ARHGEF28: variants seen among roughly 807,000 people sequenced by gnomAD.
ARHGEF28 encodes Rho guanine nucleotide exchange factor 28.
ARHGEF28 carries 152 observed loss-of-function variants against 206.6 expected under a neutral mutation model. That is an observed-to-expected ratio of 0.74 (90% CI 0.64 to 0.84). ARHGEF28 has a LOEUF of 0.84. ARHGEF28 is among the 40% of genes least tolerant of loss of function. The pLI is 0.00. For missense variants in ARHGEF28, 2,028 were observed against 2,073.2 expected (o/e 0.98, Z 0.42); for synonymous variants, 763 against 776.4 (o/e 0.98, Z 0.29).
chr5:73,668,362 A>G (rs1366004471), intron 1 of ARHGEF28, among the ~76,000 whole-genome samples: 2 of 152,208 alleles, frequency 1.3e-5, no homozygotes, highest in African/African-American at 4.8e-5. Context: ...CAAGATTGGG[A>G]GACCACATCT....
At chr5:73,927,071 G>T (rs1019942133) in intron 35 of ARHGEF28, among the ~76,000 whole-genome samples, 3 of 152,098 alleles carry the variant, frequency 2.0e-5, no homozygotes, top group African/African-American at 7.2e-5. Flanking sequence ...AAAGGCAGCT[G>T]CTTTCTTGGC....
At chr5:73,930,521 G>A (rs1463704946) in intron 35 of ARHGEF28, among the ~76,000 whole-genome samples, 3 of 152,122 alleles carry the variant, frequency 2.0e-5, no homozygotes, top group Non-Finnish European at 1.5e-5. Flanking sequence ...TGTACTTTGA[G>A]TGGTTTTCAG....
intron 9 of ARHGEF28, among the ~76,000 whole-genome samples, chr5:73,804,134 A>G (rs2112503475): frequency 2.0e-5 from 3 of 149,392 alleles, no homozygotes; most frequent in East Asian, 4.0e-4. Flanking sequence ...TGGTGTCCAG[A>G]GCTTGAGGAA....
chr5:73,931,155 C>T (rs1764094792), intron 35 of ARHGEF28, among the ~76,000 whole-genome samples: 1 of 152,184 alleles, frequency 6.6e-6, no homozygotes, highest in Admixed American at 6.5e-5. Context: ...AAACTATTTT[C>T]CTCCAGCCTG....
chr5:73,717,657 T>C (rs968159736), intron 2 of ARHGEF28, among the ~76,000 whole-genome samples: 3 of 152,168 alleles, frequency 2.0e-5, no homozygotes, highest in Admixed American at 2.0e-4. Flanking sequence ...AAGTGCCAAC[T>C]GCATGTCAGG....
At chr5:73,856,754 A>G (rs1447819191) in intron 14 of ARHGEF28, among the ~76,000 whole-genome samples, 1 of 152,192 alleles carries the variant, frequency 6.6e-6, no homozygotes, top group East Asian at 1.9e-4. Context: ...GTTAGTTATC[A>G]GTATGGAAAG....
chr5:73,938,202 C>T (rs1184800103), intron 35 of ARHGEF28, among the ~76,000 whole-genome samples: 1 of 49,058 alleles, frequency 2.0e-5, no homozygotes, highest in African/African-American at 5.4e-5. Flanking sequence ...ACACACACAA[C>T]TCCCCATCCC....
At chr5:73,712,764 A>G (rs920808859) in intron 2 of ARHGEF28, among the ~76,000 whole-genome samples, 3 of 152,214 alleles carry the variant, frequency 2.0e-5, no homozygotes, top group African/African-American at 4.8e-5. Flanking sequence ...GAACAGAATC[A>G]TATTCCCACT....
chr5:73,813,267 G>A (rs1377793649), intron 9 of ARHGEF28, among the ~76,000 whole-genome samples: 1 of 152,150 alleles, frequency 6.6e-6, no homozygotes, highest in Non-Finnish European at 1.5e-5. Context: ...GAAGAGGGGA[G>A]TTAATGATTC....
intron 9 of ARHGEF28, among the ~76,000 whole-genome samples, chr5:73,822,143 C>T (rs376914156): frequency 3.8e-4 from 58 of 152,212 alleles, no homozygotes; most frequent in East Asian, 5.8e-4. Context: ...TTGTTATTTA[C>T]GAGGGGGTTT....
At chr5:73,790,362 GA>G (rs34618231) in intron 7 of ARHGEF28, among the ~76,000 whole-genome samples, 16 of 151,364 alleles carry the variant, frequency 1.1e-4, no homozygotes, top group East Asian at 7.8e-4. Flanking sequence ...TAATTTAAAT[GA>G]AAAAAAACCT....
At chr5:73,794,142 AT>A (rs1467391122) in intron 7 of ARHGEF28, among the ~76,000 whole-genome samples, 1 of 151,958 alleles carries the variant, frequency 6.6e-6, no homozygotes, top group Non-Finnish European at 1.5e-5. Flanking sequence ...TTTAATGATA[AT>A]TTTTTCCCCT....
chr5:73,733,419 A>G (rs1750724459), intron 2 of ARHGEF28, among the ~76,000 whole-genome samples: 1 of 152,194 alleles, frequency 6.6e-6, no homozygotes, highest in South Asian at 2.1e-4. Context: ...GTGATAAGTG[A>G]TAGAGTCAGG....
At chr5:73,669,833 T>C (rs1746197023) in intron 1 of ARHGEF28, among the ~76,000 whole-genome samples, 1 of 152,148 alleles carries the variant, frequency 6.6e-6, no homozygotes, top group Admixed American at 6.5e-5. Context: ...ATTACAAGCA[T>C]GCACCACCAC....
chr5:73,759,378 A>G (rs1752482059), intron 4 of ARHGEF28, among the ~76,000 whole-genome samples: 1 of 152,234 alleles, frequency 6.6e-6, no homozygotes, highest in Admixed American at 6.5e-5. Context: ...CATGTAATGT[A>G]TAGGTAAAGT....
chr5:73,714,802 C>A (rs1749473934), intron 2 of ARHGEF28, among the ~76,000 whole-genome samples: 1 of 152,122 alleles, frequency 6.6e-6, no homozygotes, highest in South Asian at 2.1e-4. Flanking sequence ...TCCCTTGTGC[C>A]CACTTCTGGT....
chr5:73,909,814 C>G lies in ARHGEF28; in HGVS notation c.4564C>G (p.Arg1522Gly), dbSNP rs777257334. ...RLVEREQARMRAQQSLLGHWK... is the reference protein window; with the variant it reads ...RLVEREQARMGAQQSLLGHWK... ...GGTGGAGAGGGAGCAGGCGAGGATGCGGGCCCAGCAGAGCCTGCTGGGCCA... is the reference window on the plus strand; with the variant it reads ...GGTGGAGAGGGAGCAGGCGAGGATGGGGGCCCAGCAGAGCCTGCTGGGCCA... Residue 1522 changes from arginine (R) to glycine (G), a missense_variant, in exon 34 of 36, where the codon CGG becomes GGG. By Grantham distance (125) the Arg-to-Gly change is moderately radical. Around this residue, in one of 3 missense-constraint regions of ARHGEF28, gnomAD observed 803 missense variants for 768.0 expected, o/e 1.05. Transcript: ENST00000513042. 80 of 1,538,404 alleles carry G rather than the reference C, an allele frequency of 5.2e-5. No individual in the cohort carries two copies. Among genetic ancestry groups the G allele is most frequent in the Non-Finnish European group, 6.7e-5 (77 of 1,151,604 alleles).
At chr5:73,884,979 T>A (rs1195493485) in intron 24 of ARHGEF28, among the ~76,000 whole-genome samples, 1 of 152,184 alleles carries the variant, frequency 6.6e-6, no homozygotes, top group Middle Eastern at 3.2e-3. Flanking sequence ...GAAAATTCAT[T>A]TTTTCTTCTG....
intron 1 of ARHGEF28, among the ~76,000 whole-genome samples, chr5:73,628,945 G>A (rs899632041): frequency 2.0e-5 from 3 of 152,068 alleles, no homozygotes; most frequent in East Asian, 1.9e-4. Context: ...GGAAGTTCTC[G>A]GAAGCCCAAG....
Sources: gnomAD v4.1 joint callset for allele counts (sites outside exome capture counted in the v4.1 genomes callset) on GRCh38, gnomAD v4.1.1 for gene constraint, gnomAD v4.1.1 regional missense constraint, MANE v1.5 for transcripts, NCBI Gene and HGNC (gene_info 2026-07-23, HGNC 2026-07-21) for gene names.